Variants in PTPN23 observed in about 807,000 individuals in gnomAD.
The protein encoded by PTPN23 is protein tyrosine phosphatase non-receptor type 23, also known as tyrosine-protein phosphatase non-receptor type 23.
Under a neutral mutation model 156.3 loss-of-function variants are expected in PTPN23, and 72 were observed. That is an observed-to-expected ratio of 0.46 (90% confidence interval 0.38 to 0.56). The LOEUF is 0.56. Among genes scored for constraint, PTPN23 ranks in the 20% least tolerant of loss-of-function variants. PTPN23 has a pLI of 0.00. For missense variants in PTPN23, 1,974 were observed against 2,171.5 expected (o/e 0.91, Z 1.81); for synonymous variants, 957 against 899.6 (o/e 1.06, Z -1.14).
At position 47,409,316 on chromosome 3, in the gene PTPN23, A is replaced by G; in HGVS notation, c.1796A>G (p.Lys599Arg). 1 of 1,614,006 alleles carries G rather than the reference A, an allele frequency of 6.2e-7. No individual in the cohort carries two copies. The highest frequency in any genetic ancestry group is 8.5e-7 in the Non-Finnish European group (1 of 1,179,976). Reference sequence around the variant, plus strand: ...GTCACCACAGACCACTCAGAGATGAAGGTGGGCTGGGTGAGCAGGGTAGAG... The same window carrying G: ...GTCACCACAGACCACTCAGAGATGAGGGTGGGCTGGGTGAGCAGGGTAGAG... ...SLVTTDHSEMKKLFEEQLKKY... is the reference protein window; with the variant it reads ...SLVTTDHSEMRKLFEEQLKKY... Residue 599 changes from lysine (K) to arginine (R), a missense_variant and splice_region_variant, in exon 17 of 25, where the codon AAG becomes AGG. By Grantham distance (26) the Lys-to-Arg change is conservative (BLOSUM62 2). Transcript: ENST00000265562.
rs780129598 is a variant in PTPN23 at position 47,412,384 on chromosome 3, G to A, written c.4280G>A (p.Arg1427His). The A allele has an allele frequency of 1.4e-5, 23 of 1,613,002 alleles. No homozygotes were observed. Among genetic ancestry groups the A allele is most frequent in the African/African-American group, 1.2e-4 (9 of 74,936 alleles). ...GIPELPQLVRRMRQQRKHMLQ... is the reference protein window; with the variant it reads ...GIPELPQLVRHMRQQRKHMLQ... ...CCTGAGCTGCCTCAGCTGGTGCGGC[G>A]CATGCGGCAGCAGAGAAAGCACATG... Residue 1427 changes from arginine to histidine, a missense_variant, in exon 23 of 25, where the codon CGC (arginine) becomes CAC (histidine). Coordinates refer to ENST00000265562, the MANE Select transcript of PTPN23 (RefSeq NM_015466.4).
intron 2 of PTPN23, among the ~76,000 whole-genome samples, chr3:47,402,775 A>G (rs1705022968): frequency 6.6e-6 from 1 of 152,008 alleles, no homozygotes; most frequent in Non-Finnish European, 1.5e-5. Context: ...GCATGATCTC[A>G]GCTCACTGCA....
intron 1 of PTPN23, among the ~76,000 whole-genome samples, chr3:47,385,898 T>A (rs1276987919): frequency 6.6e-6 from 1 of 152,126 alleles, no homozygotes; most frequent in Non-Finnish European, 1.5e-5. Context: ...CTTCAGCCTG[T>A]CTCTCTAACT....
At position 47,381,031 on chromosome 3, in the gene PTPN23, T is replaced by G; in HGVS notation, c.-66T>G. The G allele has an allele frequency of 1.3e-6, 2 of 1,548,472 alleles. No homozygotes were observed. The highest frequency in any genetic ancestry group is 2.0e-5 in the Admixed American group (1 of 50,936). On this transcript the variant is annotated 5_prime_UTR_variant, in exon 1 of 25. Transcript: ENST00000265562. Reference sequence around the variant, plus strand: ...CCGGCACGAAGGGGCGGGGCTGGGCTCGTGGCTGAGCCAGCAGCTGCAGCA... The same window carrying G: ...CCGGCACGAAGGGGCGGGGCTGGGCGCGTGGCTGAGCCAGCAGCTGCAGCA...
At chr3:47,381,448 A>C (rs1704536029) in intron 1 of PTPN23, among the ~76,000 whole-genome samples, 1 of 151,980 alleles carries the variant, frequency 6.6e-6, no homozygotes, top group Admixed American at 6.6e-5. Context: ...CGCTGTTCCC[A>C]CTGAGGCAGC....
rs755423605 is a variant in PTPN23 at position 47,408,921 on chromosome 3, A to G, written c.1476A>G (p.Ala492=). The change falls in exon 16 of 25, where the codon GCA becomes GCG. Residue 492 remains alanine, a synonymous_variant. Transcript: ENST00000265562. ...CCATCACCTCCAAGGCTGAGCTGGCAGAGGTGAGGCGAGAATGGGCCAAGT... is the reference window on the plus strand; with the variant it reads ...CCATCACCTCCAAGGCTGAGCTGGCGGAGGTGAGGCGAGAATGGGCCAAGT... ...AISITSKAEL[A]EVRREWAKYM... The G allele has an allele frequency of 1.2e-6, 2 of 1,614,250 alleles. No homozygotes were observed. Among genetic ancestry groups the G allele is most frequent in the Non-Finnish European group, 1.7e-6 (2 of 1,180,042 alleles).
rs200515513 is a variant in PTPN23 at position 47,406,453 on chromosome 3, C to A, written c.628-28C>A. 259 of 1,613,804 alleles carry A rather than the reference C, an allele frequency of 1.6e-4. 1 individual carries two copies. Among genetic ancestry groups the A allele is most frequent in the Non-Finnish European group, 5.4e-5 (64 of 1,179,982 alleles). ...GCCTTCACTTTACTGCTGACTCCCCCACTCATTGGGCCCCACCCTGTTCTC... is the reference window on the plus strand; with the variant it reads ...GCCTTCACTTTACTGCTGACTCCCCAACTCATTGGGCCCCACCCTGTTCTC... On this transcript the variant is annotated intron_variant, in intron 7 of 24. Transcript: ENST00000265562. This position sits in a 1 kb window ranked among gnomAD's most constrained non-coding sequence, Gnocchi z 5.8.
In PTPN23 at chr3:47,413,389, A is replaced by G. The variant is rs571217216; in HGVS notation, c.*204A>G. ...GTTCTGCTCCTTTATGGGACCCGAC[A>G]TTTTTCAGCTCTTTGCTATTGAAAT... On this transcript the variant is annotated 3_prime_UTR_variant, in exon 25 of 25. Transcript: ENST00000265562. The G allele has an allele frequency of 4.5e-4, 288 of 639,294 alleles. 1 individual carries two copies. Among genetic ancestry groups the G allele is most frequent in the African/African-American group, 4.5e-3 (247 of 54,900 alleles). The allele number at this position is 639,294 out of a possible 1,614,324, so 39.6% of individuals were successfully genotyped here.
chr3:47,404,860 C>G (rs887128043), intron 3 of PTPN23, 81 bp downstream of exon 3: 1 of 1,579,724 alleles, frequency 6.3e-7, no homozygotes. Context: ...TCCCCCTTCT[C>G]CTTGCTGCAT....
At position 47,405,089 on chromosome 3, in the gene PTPN23, G is replaced by T. The variant is rs1162280410; in HGVS notation, c.364+8G>T. 1 of 1,613,680 alleles carries T rather than the reference G, an allele frequency of 6.2e-7. No homozygotes were observed. Among genetic ancestry groups the T allele is most frequent in the Admixed American group, 1.7e-5 (1 of 60,016 alleles). ...GTATTCTCTACAACCTTGGTGAGCTGCCTGATCCCTTCCCCCGGCCCTACT... is the reference window on the plus strand; with the variant it reads ...GTATTCTCTACAACCTTGGTGAGCTTCCTGATCCCTTCCCCCGGCCCTACT... On this transcript the variant is annotated splice_region_variant and intron_variant, in intron 4 of 24. Transcript: ENST00000265562. This position sits in a 1 kb window ranked among gnomAD's most constrained non-coding sequence, Gnocchi z 4.7.
intron 1 of PTPN23, 33 bp downstream of exon 1, chr3:47,381,213 C>T (rs762701501): frequency 1.5e-5 from 23 of 1,555,816 alleles, no homozygotes; most frequent in Non-Finnish European, 1.8e-5. Context: ...CCCCTATCCG[C>T]CGCGTATCTC....
intron 1 of PTPN23, among the ~76,000 whole-genome samples, chr3:47,395,890 G>T (rs555000116): frequency 3.3e-5 from 5 of 152,156 alleles, no homozygotes; most frequent in African/African-American, 1.2e-4. Flanking sequence ...TCCTGAGCTG[G>T]CAGACTCCTG....
At position 47,390,771 on chromosome 3, in the gene PTPN23, C is replaced by T. The variant is rs1313112236; in HGVS notation, c.85-5372C>T. ...AATAATAATAACATAAATATCCTGG[C>T]TGCTCCACTGACTCACTGTGTGGCC... is the stretch of plus-strand genomic sequence containing the variant. On this transcript the variant is annotated intron_variant, in intron 1 of 24. Coordinates refer to ENST00000265562, the MANE Select transcript of PTPN23 (RefSeq NM_015466.4). Among the ~76,000 whole-genome samples the T allele has an allele frequency of 2.6e-5, 4 of 152,290 alleles. No individual in the cohort carries two copies. The East Asian group carries it at 5.8e-4, about 22-fold the overall frequency.
At chr3:47,399,369 T>G (rs1201972241) in intron 2 of PTPN23, among the ~76,000 whole-genome samples, 1 of 152,178 alleles carries the variant, frequency 6.6e-6, no homozygotes, top group Admixed American at 6.5e-5. Flanking sequence ...AGTCAGATTC[T>G]GCCAGTGCAG....
At position 47,411,818 on chromosome 3, in the gene PTPN23, C is replaced by T. The variant is rs555479697; in HGVS notation, c.3924C>T (p.Gly1308=). Residue 1308 remains glycine (G), a synonymous_variant, in exon 21 of 25, where the codon GGC becomes GGT. Transcript: ENST00000265562. The surrounding 1 kb of genome is among the most constrained non-coding windows in gnomAD (Gnocchi z 6.3). ...CACGCTACTTCCCCACCGAGAGGGG[C>T]CAGCCCATGGTGCACGGTGCCCTGA... The part of the protein sequence containing the change: ...KVARYFPTER[G]QPMVHGALSL... 7.8e-5 allele frequency: 125 copies of T among 1,611,756 alleles called. 2 individuals are homozygous for T. In the South Asian group the frequency reaches 1.3e-3, roughly 17 times the overall value.
chr3:47,395,866 T>C (rs1025161933), intron 1 of PTPN23, among the ~76,000 whole-genome samples: 3 of 152,342 alleles, frequency 2.0e-5, no homozygotes, highest in Admixed American at 2.0e-4. Flanking sequence ...TTCAGTCCGC[T>C]GAGTTCCTTG....
Position 47,409,829 on chromosome 3 carries a change from G to A in PTPN23, c.2124G>A (p.Leu708=), listed in dbSNP as rs373194883. The A allele has an allele frequency of 1.2e-6, 2 of 1,610,114 alleles. No individual in the cohort carries two copies. Among genetic ancestry groups the A allele is most frequent in the African/African-American group, 1.3e-5 (1 of 74,908 alleles). The change falls in exon 19 of 25, where the codon CTG becomes CTA. Residue 708 remains leucine, a synonymous_variant. Transcript: ENST00000265562. ...GCGAGGCTGCCCGCCAGCAGCTCCT[G>A]GACAGGTTTGTGTGGCCCTGGGGCT... is the stretch of plus-strand genomic sequence containing the variant. ...QAREAARQQL[L]DRELKKKPPP... is the part of the protein sequence containing the mutation.
At chr3:47,404,870 T>G in intron 3 of PTPN23, 91 bp downstream of exon 3, 1 of 1,577,338 alleles carries the variant, frequency 6.3e-7, no homozygotes, top group Non-Finnish European at 8.6e-7. Context: ...CCTTGCTGCA[T>G]AGGATGGGGA....
In PTPN23 at chr3:47,408,398, C is replaced by T. The variant is rs1237566719; in HGVS notation, c.1238C>T (p.Ala413Val). 6.2e-6 allele frequency: 10 copies of T among 1,614,024 alleles called. No individual in the cohort carries two copies. Among genetic ancestry groups the T allele is most frequent in the Non-Finnish European group, 7.6e-6 (9 of 1,180,010 alleles). ...LDPETVDNLD[A>V]YSHIPPQLME... Reference sequence around the variant, plus strand: ...CCCGAGACGGTGGACAACCTTGATGCCTACAGCCACATCCCACCCCAGCTC... The same window carrying T: ...CCCGAGACGGTGGACAACCTTGATGTCTACAGCCACATCCCACCCCAGCTC... Residue 413 changes from alanine (A) to valine (V), a missense_variant, in exon 15 of 25, where the codon GCC becomes GTC. Ala to Val is a moderately conservative substitution (Grantham distance 64). Transcript: ENST00000265562.
Sources: gnomAD v4.1 joint callset for allele counts (sites outside exome capture counted in the v4.1 genomes callset) on GRCh38, gnomAD v4.1.1 for gene constraint, Gnocchi (gnomAD v3.1) non-coding constraint, MANE v1.5 for transcripts, NCBI Gene and HGNC (gene_info 2026-07-23, HGNC 2026-07-21) for gene names.